Variants in ZNF292 observed in about 807,000 individuals in gnomAD.
ZNF292 encodes the protein zinc finger protein 292, also known as 16 zinc-finger domain protein.
Under a neutral mutation model 217.9 loss-of-function variants are expected in ZNF292, and 26 were observed. The ratio of observed to expected loss-of-function variants is 0.12; its 90% CI spans 0.09 to 0.17. The LOEUF is 0.17. ZNF292 is among the 10% of genes least tolerant of loss of function. ZNF292 has a pLI of 1.00. For missense variants in ZNF292, 2,904 were observed against 3,175.2 expected, an observed-to-expected ratio of 0.91 and a Z score of 2.05; for synonymous variants, 1,257 against 1,124.1, an observed-to-expected ratio of 1.12 and a Z score of -2.37.
At chr6:87,234,107 C>G (rs1417609009) in intron 5 of ZNF292, among the ~76,000 whole-genome samples, 3 of 152,096 alleles carry the variant, frequency 2.0e-5, no homozygotes, top group African/African-American at 7.2e-5. Flanking sequence ...TTTATGACTA[C>G]AAAATTCTGA....
chr6:87,254,286 AAC>A (rs960120034), intron 7 of ZNF292, among the ~76,000 whole-genome samples: 3 of 152,212 alleles, frequency 2.0e-5, no homozygotes, highest in African/African-American at 7.2e-5. Flanking sequence ...ACTAAACTAT[AAC>A]ACATATTTAA....
intron 1 of ZNF292, among the ~76,000 whole-genome samples, chr6:87,188,680 A>G (rs1001923628): frequency 1.3e-5 from 2 of 151,208 alleles, no homozygotes; most frequent in African/African-American, 4.9e-5. Context: ...TTCTTGTTTA[A>G]TTTTCTGCAT....
intron 7 of ZNF292, 78 bp downstream of exon 7, chr6:87,245,722 G>T (rs1001671073): frequency 6.2e-6 from 6 of 973,270 alleles, no homozygotes; most frequent in East Asian, 3.1e-5. Context: ...TTATGATTTT[G>T]GCTCCCTTTT....
rs557186470 is a variant in ZNF292 at position 87,238,870 on chromosome 6, A to C, written c.742-4605A>C. On this transcript the variant is annotated intron_variant, in intron 5 of 7. Coordinates refer to ENST00000369577, the MANE Select transcript of ZNF292 (RefSeq NM_015021.3). ...TGTCCCTGGATACTTGAGATTAGGG[A>C]GTGGTGATGACTCTTAACGAGCATG... Among the ~76,000 whole-genome samples, 4 of 151,270 alleles carry C rather than the reference A, an allele frequency of 2.6e-5. No individual in the cohort carries two copies. The South Asian group carries it at 8.4e-4, about 32-fold the overall frequency.
chr6:87,176,039 A>T (rs942805098), intron 1 of ZNF292, among the ~76,000 whole-genome samples: 3 of 152,210 alleles, frequency 2.0e-5, no homozygotes, highest in Admixed American at 1.3e-4. Flanking sequence ...ATTAAAGAGG[A>T]CTAGATCCAA....
chr6:87,176,464 T>C (rs1771297155), intron 1 of ZNF292, among the ~76,000 whole-genome samples: 1 of 151,106 alleles, frequency 6.6e-6, no homozygotes, highest in South Asian at 2.1e-4. Context: ...GAGGGTCTTA[T>C]GACTTACTTT....
intron 1 of ZNF292, among the ~76,000 whole-genome samples, chr6:87,158,276 CT>C (rs1770611365): frequency 6.6e-6 from 1 of 152,122 alleles, no homozygotes; most frequent in African/African-American, 2.4e-5. Flanking sequence ...GTCTGATTTC[CT>C]CTGGAACATT....
chr6:87,215,989 T>C lies in ZNF292; in HGVS notation c.255T>C (p.Tyr85=). 6.3e-7 allele frequency: 1 copy of C among 1,588,844 alleles called. No homozygotes were observed. Among genetic ancestry groups the C allele is most frequent in the South Asian group, 1.2e-5 (1 of 86,606 alleles). ...TATACACAGTGGCTATCCAAAGTTA[T>C]GTTAAAGCCCGACCTTATCTTACCT... is the stretch of plus-strand genomic sequence containing the variant. ...LEVYTVAIQS[Y]VKARPYLTSE... The change falls in exon 2 of 8, where the codon TAT becomes TAC. Residue 85 remains tyrosine, a synonymous_variant. Coordinates refer to ENST00000369577, the MANE Select transcript of ZNF292 (RefSeq NM_015021.3).
At chr6:87,183,831 C>T (rs1301050021) in intron 1 of ZNF292, among the ~76,000 whole-genome samples, 1 of 152,100 alleles carries the variant, frequency 6.6e-6, no homozygotes, top group Non-Finnish European at 1.5e-5. Flanking sequence ...ATTGTATACA[C>T]GCAGTATTAT....
Position 87,263,048 on chromosome 6 carries a change from A to G in ZNF292, c.*1247A>G, listed in dbSNP as rs952006881. The G allele has an allele frequency of 3.3e-5, 5 of 152,032 alleles. No homozygotes were observed. The highest frequency in any genetic ancestry group is 7.4e-5 in the Non-Finnish European group (5 of 67,890). 9.4% of individuals were successfully genotyped at this position (152,032 alleles called of 1,614,324 possible). A position where few individuals can be genotyped will look rare whatever the true frequency, so the allele number is the denominator to read the frequency against. The stretch of plus-strand genomic sequence containing the variant: ...TCTGTATTTCTCACCATATCTAATG[A>G]TACTTTTTTCATTAGATTGGTCTTC... On this transcript the variant is annotated 3_prime_UTR_variant, in exon 8 of 8. Transcript: ENST00000369577.
intron 7 of ZNF292, among the ~76,000 whole-genome samples, chr6:87,250,453 AG>A (rs1477622423): frequency 6.6e-6 from 1 of 152,174 alleles, no homozygotes; most frequent in East Asian, 1.9e-4. Flanking sequence ...GTCTCAAAAA[AG>A]AAAAGGAAAA....
rs1270319004 is a variant in ZNF292 at position 87,265,913 on chromosome 6, G to A, written c.*4112G>A. ...GAATTTCAAGTAATTGTGATTAAAC[G>A]TTGATTAAAATCCAGTCATACTTGC... On this transcript the variant is annotated 3_prime_UTR_variant, in exon 8 of 8. Coordinates refer to ENST00000369577, the MANE Select transcript of ZNF292 (RefSeq NM_015021.3). Among the ~76,000 whole-genome samples the A allele has an allele frequency of 1.3e-5, 2 of 152,118 alleles. No homozygotes were observed. The highest frequency in any genetic ancestry group is 2.4e-5 in the African/African-American group (1 of 41,436).
intron 5 of ZNF292, among the ~76,000 whole-genome samples, chr6:87,238,639 ATTTTT>A (rs71018004): frequency 7.3e-6 from 1 of 136,122 alleles, no homozygotes; most frequent in African/African-American, 2.6e-5. Context: ...GTAAGTATTT[ATTTTT>A]TTTATTTTTT....
Position 87,260,041 on chromosome 6 carries a change from G to T in ZNF292, c.6412G>T (p.Val2138Leu). 6.2e-7 allele frequency: 1 copy of T among 1,613,578 alleles called. No homozygotes were observed. The highest frequency in any genetic ancestry group is 1.1e-5 in the South Asian group (1 of 91,076). ...AAACTTGATTCTCCATTACCAGGCT[G>T]TACACAAATCAGATCTACCTGCATT... is the stretch of plus-strand genomic sequence containing the variant. ...QQNLILHYQA[V>L]HKSDLPAFSA... Residue 2138 changes from valine (V) to leucine (L), a missense_variant, in exon 8 of 8, where the codon GTA becomes TTA. This residue lies in a region of ZNF292 where 261 missense variants were observed against 272.8 expected (regional missense o/e 0.96). Coordinates refer to ENST00000369577, the MANE Select transcript of ZNF292 (RefSeq NM_015021.3).
intron 1 of ZNF292, among the ~76,000 whole-genome samples, chr6:87,204,773 A>C (rs955259450): frequency 1.3e-5 from 2 of 151,890 alleles, no homozygotes; most frequent in African/African-American, 4.8e-5. Flanking sequence ...CATGTTGGCC[A>C]GGCTGGTCTC....
intron 1 of ZNF292, among the ~76,000 whole-genome samples, chr6:87,193,373 A>G (rs1771870684): frequency 6.6e-6 from 1 of 151,946 alleles, no homozygotes; most frequent in African/African-American, 2.4e-5. Context: ...GACGAAAAAC[A>G]TTTCTATCAA....
intron 1 of ZNF292, among the ~76,000 whole-genome samples, chr6:87,183,888 T>C (rs1771549796): frequency 6.6e-6 from 1 of 152,218 alleles, no homozygotes; most frequent in African/African-American, 2.4e-5. Flanking sequence ...AGTCTTTTGA[T>C]GAGGTCAGCC....
At chr6:87,229,877 G>A (rs1773558667) in intron 4 of ZNF292, among the ~76,000 whole-genome samples, 1 of 152,184 alleles carries the variant, frequency 6.6e-6, no homozygotes, top group Non-Finnish European at 1.5e-5. Flanking sequence ...GAAGCACCCT[G>A]GATTCTAGTG....
rs758855096 is a variant in ZNF292, at chr6:87,259,998, T to C, written c.6369T>C (p.Ala2123=). 3.7e-6 allele frequency: 6 copies of C among 1,613,634 alleles called. No homozygotes were observed. The South Asian group carries it at 4.4e-5, about 12-fold the overall frequency. ...GATGTGTTCACCAGGGATGCTTTGC[T>C]GCCTTTACGATACAGCAAAACTTGA... ...PYRCVHQGCF[A]AFTIQQNLIL... The change falls in exon 8 of 8, where the codon GCT becomes GCC. Residue 2123 remains alanine (A), a synonymous_variant. Coordinates refer to ENST00000369577, the MANE Select transcript of ZNF292 (RefSeq NM_015021.3).
Sources: allele counts gnomAD v4.1 joint callset (sites outside exome capture counted in the v4.1 genomes callset), GRCh38; gene constraint gnomAD v4.1.1; regional missense constraint gnomAD v4.1.1; transcripts MANE v1.5; gene names NCBI Gene and HGNC (gene_info 2026-07-23, HGNC 2026-07-21).